Variants in RANBP2 observed in about 807,000 individuals in gnomAD.
RANBP2 encodes RAN binding protein 2, also known as E3 SUMO-protein ligase RanBP2.
In RANBP2, 57 loss-of-function variants were observed where a neutral mutation model predicts 303.6. That is an observed-to-expected ratio of 0.19 (90% CI 0.15 to 0.23). The LOEUF (loss-of-function observed/expected upper bound fraction) is 0.23. Ranked by LOEUF, RANBP2 falls within the 10% of genes least tolerant of loss-of-function variation. RANBP2 has a pLI of 1.00. For missense variants in RANBP2, 3,138 were observed against 3,780.8 expected (o/e 0.83, Z 4.46); for synonymous variants, 1,167 against 1,301.5 (o/e 0.90, Z 2.23).
chr2:109,397,827 C>T, the RANBP2 span, among the ~76,000 whole-genome samples: 2 of 152,216 alleles, frequency 1.3e-5, no homozygotes, highest in Admixed American at 6.5e-5. Context: ...TGGACTTGAA[C>T]CTTCATGCCA....
the RANBP2 span, chr2:109,616,716 A>G: frequency 6.0e-6 from 1 of 167,126 alleles, no homozygotes; most frequent in African/African-American, 2.4e-5. Flanking sequence ...TCACTGAACA[A>G]AAGAAACAGG....
the RANBP2 span, among the ~76,000 whole-genome samples, chr2:109,200,681 G>A: frequency 6.6e-6 from 1 of 152,050 alleles, no homozygotes; most frequent in East Asian, 1.9e-4. Flanking sequence ...CTTTTCTCCT[G>A]GTGTCCCTGC....
At chr2:109,238,452 TGTG>T in the RANBP2 span, among the ~76,000 whole-genome samples, 14 of 956 alleles carry the variant, frequency 0.015, no homozygotes, top group Admixed American at 0.027. Context: ...TGTATATTTG[TGTG>T]TGTGTGTGTG....
the RANBP2 span, among the ~76,000 whole-genome samples, chr2:109,655,579 T>G: frequency 6.6e-6 from 1 of 152,000 alleles, no homozygotes; most frequent in Non-Finnish European, 1.5e-5. Context: ...ACCCACCCAG[T>G]GTGCATTTGG....
rs776336786 is a variant in RANBP2 at position 108,771,746 on chromosome 2, T to A, written c.7895T>A (p.Val2632Asp). Residue 2632 changes from valine to aspartate, a missense_variant, in exon 21 of 29, where the codon GTT becomes GAT. Around this residue, in one of 20 missense-constraint regions of RANBP2, gnomAD observed 497 missense variants for 465.8 expected, o/e 1.07. Transcript: ENST00000283195. ...GAAGATTCTCCCTCAGATGATGATG[T>A]TCTCATTGTATATGAACTAACTCCA... ...KPEDSPSDDD[V>D]LIVYELTPTA... 18 of 1,613,756 alleles carry A rather than the reference T, an allele frequency of 1.1e-5. No homozygotes were observed. The highest frequency in any genetic ancestry group is 1.3e-5 in the Non-Finnish European group (15 of 1,179,942).
the RANBP2 span, among the ~76,000 whole-genome samples, chr2:109,285,457 C>T: frequency 6.6e-6 from 1 of 152,172 alleles, no homozygotes; most frequent in Admixed American, 6.5e-5. Flanking sequence ...CTGTGCCGTG[C>T]GTTTTTGTTA....
chr2:109,652,622 T>G, the RANBP2 span, among the ~76,000 whole-genome samples: 1 of 152,194 alleles, frequency 6.6e-6, no homozygotes, highest in South Asian at 2.1e-4. Context: ...CTCCTGCACG[T>G]GCACAGCCAT....
chr2:108,831,878 A>C, the RANBP2 span, among the ~76,000 whole-genome samples: 4 of 146,242 alleles, frequency 2.7e-5, no homozygotes, highest in East Asian at 8.3e-4. Context: ...GATTGCAGGC[A>C]CTGGCCACCA....
the RANBP2 span, among the ~76,000 whole-genome samples, chr2:109,446,787 G>A: frequency 5.1e-3 from 770 of 152,222 alleles, 5 homozygotes; most frequent in Middle Eastern, 0.034. Context: ...TGGTGCCTGG[G>A]ATGAGCAAAG....
the RANBP2 span, among the ~76,000 whole-genome samples, chr2:108,995,126 G>T: frequency 6.6e-6 from 1 of 151,954 alleles, no homozygotes; most frequent in African/African-American, 2.4e-5. Flanking sequence ...CACCGTGCCC[G>T]GCCGCATTGG....
chr2:109,609,256 T>C, the RANBP2 span, among the ~76,000 whole-genome samples: 1 of 152,160 alleles, frequency 6.6e-6, no homozygotes, highest in Admixed American at 6.5e-5. Flanking sequence ...AAGAATAAAA[T>C]TGTCCAAGAT....
At position 108,733,454 on chromosome 2, in the gene RANBP2, A is replaced by G. The variant is rs551238408; in HGVS notation, c.405+1980A>G. Among the ~76,000 whole-genome samples, 127 of 152,048 alleles carry G rather than the reference A, an allele frequency of 8.4e-4. 1 individual carries two copies. The highest frequency in any genetic ancestry group is 3.4e-3 in the Middle Eastern group (1 of 292). On this transcript the variant is annotated intron_variant, in intron 4 of 28. Transcript: ENST00000283195. ...AGCCTTAACCATTCACTTTTGAGGG[A>G]CATTTTGGTTATTTCTAGGTTTTGG...
chr2:108,844,257 T>G, the RANBP2 span, among the ~76,000 whole-genome samples: 154 of 152,258 alleles, frequency 1.0e-3, no homozygotes, highest in East Asian at 6.4e-3. Flanking sequence ...TTCTGGTGGT[T>G]GTTGTTATTT....
the RANBP2 span, among the ~76,000 whole-genome samples, chr2:109,778,460 T>A: frequency 8.0e-5 from 12 of 150,040 alleles, no homozygotes; most frequent in Non-Finnish European, 1.6e-4. Flanking sequence ...CAAAGGTGAT[T>A]TTCTTGTTAA....
the RANBP2 span, among the ~76,000 whole-genome samples, chr2:109,118,843 G>A: frequency 6.6e-6 from 1 of 152,162 alleles, no homozygotes; most frequent in Non-Finnish European, 1.5e-5. Flanking sequence ...TTTCTAAGTC[G>A]TGGGATCCCA....
At chr2:109,340,458 G>A in the RANBP2 span, among the ~76,000 whole-genome samples, 2 of 152,320 alleles carry the variant, frequency 1.3e-5, no homozygotes, top group African/African-American at 4.8e-5. Flanking sequence ...CAAGGACCAT[G>A]CATTGGTTCT....
At chr2:109,079,429 G>A in the RANBP2 span, among the ~76,000 whole-genome samples, 2 of 152,032 alleles carry the variant, frequency 1.3e-5, no homozygotes, top group Non-Finnish European at 2.9e-5. Context: ...AGTTATTTGT[G>A]GATTTTTTAC....
the RANBP2 span, among the ~76,000 whole-genome samples, chr2:109,453,083 G>GA: frequency 2.0e-5 from 3 of 152,202 alleles, no homozygotes; most frequent in African/African-American, 7.2e-5. Context: ...TTCCCTGCGT[G>GA]GCCCGATGTG....
the RANBP2 span, among the ~76,000 whole-genome samples, chr2:108,942,521 G>A: frequency 1.3e-5 from 2 of 152,238 alleles, no homozygotes; most frequent in Admixed American, 1.3e-4. Flanking sequence ...GATGAACCAC[G>A]GCGACGGCAG....
Sources: gnomAD v4.1 joint callset for allele counts (sites outside exome capture counted in the v4.1 genomes callset) on GRCh38, gnomAD v4.1.1 for gene constraint, gnomAD v4.1.1 regional missense constraint, MANE v1.5 for transcripts, NCBI Gene and HGNC (gene_info 2026-07-23, HGNC 2026-07-21) for gene names.